MEGF10: variants seen among roughly 807,000 people sequenced by gnomAD.
MEGF10 encodes the protein multiple epidermal growth factor-like domains protein 10.
MEGF10 carries 86 observed loss-of-function variants against 147.5 expected under a neutral mutation model. The observed-to-expected ratio is 0.58, with a 90% CI of 0.49 to 0.70. The LOEUF (loss-of-function observed/expected upper bound fraction) is 0.70. Ranked by LOEUF, MEGF10 falls within the 30% of genes least tolerant of loss-of-function variation. The probability of loss-of-function intolerance (pLI) is 0.00; values close to 1 mark genes in which losing one functional copy is unlikely to be tolerated. For synonymous variants in MEGF10, 478 were observed against 525.5 expected (o/e 0.91, Z 1.24); for missense variants, 1,329 against 1,487.3 (o/e 0.89, Z 1.75).
At chr5:127,293,418 T>G (rs1218287853) in intron 1 of MEGF10, among the ~76,000 whole-genome samples, 1 of 152,218 alleles carries the variant, frequency 6.6e-6, no homozygotes, top group Non-Finnish European at 1.5e-5. Flanking sequence ...TATGAGAAAT[T>G]GCTGATATTT....
the MEGF10 span, among the ~76,000 whole-genome samples, chr5:127,258,411 A>G: frequency 5.3e-5 from 8 of 152,354 alleles, no homozygotes; most frequent in Non-Finnish European, 8.8e-5. Flanking sequence ...AAGTACTTTC[A>G]TGTTCCAAGT....
chr5:127,310,056 T>TTCTC (rs1760222014), intron 1 of MEGF10, among the ~76,000 whole-genome samples: 1 of 137,328 alleles, frequency 7.3e-6, no homozygotes. Flanking sequence ...ATTTCTTTCT[T>TTCTC]TCTTTCTTTC....
intron 13 of MEGF10, among the ~76,000 whole-genome samples, chr5:127,430,870 G>A (rs1228900032): frequency 6.6e-6 from 1 of 152,150 alleles, no homozygotes; most frequent in Non-Finnish European, 1.5e-5. Context: ...AAATAAAAGG[G>A]CTTGAATTTT....
At chr5:127,429,530 C>G (rs931942832) in intron 13 of MEGF10, among the ~76,000 whole-genome samples, 8 of 152,152 alleles carry the variant, frequency 5.3e-5, no homozygotes, top group Non-Finnish European at 8.8e-5. Flanking sequence ...TATTTAACAC[C>G]TCCCATGTGC....
chr5:127,247,037 C>A, the MEGF10 span, among the ~76,000 whole-genome samples: 116 of 96,608 alleles, frequency 1.2e-3, 2 homozygotes, highest in Middle Eastern at 0.013. Flanking sequence ...AAATGAATGA[C>A]CTAAAGTTCC....
chr5:127,370,135 C>G, intron 5 of MEGF10, 133 bp downstream of exon 5: 1 of 566,440 alleles, frequency 1.8e-6, no homozygotes, highest in East Asian at 2.9e-5. Context: ...ACGACCAACT[C>G]AGTCATACAG....
In MEGF10 at chr5:127,447,657, C is replaced by G. The variant is rs1449134029; in HGVS notation, c.2829C>G (p.Asn943Lys). 1 of 1,614,164 alleles carries G rather than the reference C, an allele frequency of 6.2e-7. No individual in the cohort carries two copies. The highest frequency in any genetic ancestry group is 8.5e-7 in the Non-Finnish European group (1 of 1,180,022). ...AGTGTGCCACATCCCCTCACGTCAA[C>G]AACAGGGACAGGATGACTGTCACGA... is the stretch of plus-strand genomic sequence containing the variant. ...LTQCATSPHVNNRDRMTVTKS... is the reference protein window; with the variant it reads ...LTQCATSPHVKNRDRMTVTKS... Residue 943 changes from asparagine to lysine, a missense_variant, in exon 21 of 25, where the codon AAC becomes AAG. Transcript: ENST00000503335.
At chr5:127,447,831 G>A (rs1766007423) in intron 21 of MEGF10, 147 bp downstream of exon 21, 1 of 1,093,004 alleles carries the variant, frequency 9.1e-7, no homozygotes, top group Admixed American at 2.8e-5. Context: ...TCCTCTGAGT[G>A]TGCTTTGGGA....
At position 127,455,456 on chromosome 5, in the gene MEGF10, G is replaced by A. The variant is rs1766321722; in HGVS notation, c.3081G>A (p.Glu1027=). 6.2e-7 allele frequency: 1 copy of A among 1,613,956 alleles called. No homozygotes were observed. Among genetic ancestry groups the A allele is most frequent in the Non-Finnish European group, 8.5e-7 (1 of 1,180,014 alleles). The part of the protein sequence containing the change: ...NSSNCSLSSS[E]NPYATIKDPP... The stretch of plus-strand genomic sequence containing the variant: ...GTAACTGCTCCCTAAGCAGTTCTGA[G>A]AACCCATATGCCACTATTAAAGACC... Residue 1027 remains glutamate, a synonymous_variant, in exon 24 of 25, where the codon GAG becomes GAA. Coordinates refer to ENST00000503335, the MANE Select transcript of MEGF10 (RefSeq NM_001256545.2).
At chr5:127,232,001 A>T in the MEGF10 span, among the ~76,000 whole-genome samples, 16 of 152,226 alleles carry the variant, frequency 1.1e-4, no homozygotes, top group Middle Eastern at 3.2e-3. Flanking sequence ...ATTACACATA[A>T]CAGCAAATTC....
At chr5:127,358,155 G>T (rs1762343784) in intron 4 of MEGF10, among the ~76,000 whole-genome samples, 1 of 152,128 alleles carries the variant, frequency 6.6e-6, no homozygotes, top group Admixed American at 6.5e-5. Flanking sequence ...CCTGACAAGG[G>T]AAATAATCTC....
intron 5 of MEGF10, among the ~76,000 whole-genome samples, chr5:127,375,264 C>T (rs17604615): frequency 0.11 from 16,801 of 152,120 alleles, 1,040 homozygotes; most frequent in Non-Finnish European, 0.15. Context: ...GATTAAGGGA[C>T]TGACAAATAC....
chr5:127,317,559 A>G (rs1302781841), intron 1 of MEGF10, among the ~76,000 whole-genome samples: 2 of 152,210 alleles, frequency 1.3e-5, no homozygotes, highest in Non-Finnish European at 2.9e-5. Flanking sequence ...ACCACGGAAT[A>G]CTATGCAGCC....
Position 127,447,127 on chromosome 5 carries a change from G to T in MEGF10, c.2729-430G>T, listed in dbSNP as rs192010509. Among the ~76,000 whole-genome samples, 7 of 152,224 alleles carry T rather than the reference G, an allele frequency of 4.6e-5. No individual in the cohort carries two copies. In the East Asian group the frequency reaches 1.4e-3, roughly 29 times the overall value. On this transcript the variant is annotated intron_variant, in intron 20 of 24. Transcript: ENST00000503335. ...AGTAGGCTGGGCAGGAGGAGATTCTGCCCAGCTTGTGATATGGAAGGAGTC... is the reference window on the plus strand; with the variant it reads ...AGTAGGCTGGGCAGGAGGAGATTCTTCCCAGCTTGTGATATGGAAGGAGTC...
intron 5 of MEGF10, among the ~76,000 whole-genome samples, chr5:127,375,951 G>A (rs1763010368): frequency 6.6e-6 from 1 of 152,240 alleles, no homozygotes; most frequent in South Asian, 2.1e-4. Context: ...AGGAACAAAT[G>A]AGTAATGGTT....
intron 16 of MEGF10, 108 bp downstream of exon 16, chr5:127,435,597 C>A: frequency 9.3e-7 from 1 of 1,080,844 alleles, no homozygotes; most frequent in Non-Finnish European, 1.3e-6. Context: ...GAATATATGA[C>A]TAATTAAAAG....
chr5:127,279,592 C>A, the MEGF10 span, among the ~76,000 whole-genome samples: 2 of 152,126 alleles, frequency 1.3e-5, no homozygotes, highest in Non-Finnish European at 2.9e-5. Flanking sequence ...TTCCTCCCAC[C>A]GCAGAAAACT....
intron 18 of MEGF10, 81 bp downstream of exon 18, chr5:127,440,948 G>A: frequency 3.2e-6 from 5 of 1,548,330 alleles, no homozygotes; most frequent in Non-Finnish European, 4.4e-6. Context: ...AAATATTAAG[G>A]CAGAATTCAC....
rs763317848 is a variant in MEGF10 at position 127,445,445 on chromosome 5, T to C, written c.2492-12T>C. 6 of 1,602,804 alleles carry C rather than the reference T, an allele frequency of 3.7e-6. No homozygotes were observed. The East Asian group carries it at 1.3e-4, about 36-fold the overall frequency. ...ATTGTCATCCTTTCTCAAGTCTCTC[T>C]TCTTTTTCTAGCTGGTGTTATCATA... On this transcript the variant is annotated splice_polypyrimidine_tract_variant and intron_variant, in intron 19 of 24. Transcript: ENST00000503335.
Sources: gnomAD v4.1 joint callset for allele counts (sites outside exome capture counted in the v4.1 genomes callset) on GRCh38, gnomAD v4.1.1 for gene constraint, MANE v1.5 for transcripts, NCBI Gene and HGNC (gene_info 2026-07-23, HGNC 2026-07-21) for gene names.